SNX18: variants seen among roughly 807,000 people sequenced by gnomAD.
The protein encoded by SNX18 is sorting nexin-18.
Under a neutral mutation model 48.7 loss-of-function variants are expected in SNX18, and 35 were observed. The observed-to-expected ratio is 0.72, with a 90% confidence interval of 0.55 to 0.95. The LOEUF is 0.95. Ranked by LOEUF, SNX18 falls within the 40% of genes least tolerant of loss-of-function variation. The probability of loss-of-function intolerance (pLI) is 0.00; values close to 1 mark genes in which losing one functional copy is unlikely to be tolerated. For missense variants in SNX18, 824 were observed against 871.0 expected (o/e 0.95, Z 0.68); for synonymous variants, 492 against 384.7 (o/e 1.28, Z -3.26).
the SNX18 span, among the ~76,000 whole-genome samples, chr5:54,617,444 C>G: frequency 1.3e-5 from 2 of 152,312 alleles, no homozygotes; most frequent in Non-Finnish European, 2.9e-5. Flanking sequence ...GTACTTCCCC[C>G]TCCCAAGTAA....
the SNX18 span, chr5:54,643,923 T>A: frequency 5.9e-5 from 9 of 152,228 alleles, no homozygotes; most frequent in African/African-American, 2.2e-4. Flanking sequence ...AAAACGTGAG[T>A]GCTCAGGCCG....
the SNX18 span, among the ~76,000 whole-genome samples, chr5:54,646,160 G>T: frequency 6.6e-6 from 1 of 151,938 alleles, no homozygotes; most frequent in Non-Finnish European, 1.5e-5. Context: ...GAAACCCCAA[G>T]AAGACTTTTT....
chr5:54,588,786 G>A, the SNX18 span, among the ~76,000 whole-genome samples: 1 of 152,100 alleles, frequency 6.6e-6, no homozygotes, highest in African/African-American at 2.4e-5. Context: ...GCTTTGCAAA[G>A]GTATGATATC....
At chr5:54,610,185 C>T in the SNX18 span, among the ~76,000 whole-genome samples, 1 of 152,118 alleles carries the variant, frequency 6.6e-6, no homozygotes, top group South Asian at 2.1e-4. Context: ...TTCCTTATAG[C>T]AATGCAAGAA....
At chr5:54,576,572 C>T in the SNX18 span, among the ~76,000 whole-genome samples, 9,087 of 152,290 alleles carry the variant, frequency 0.06, 352 homozygotes, top group Non-Finnish European at 0.086. Context: ...GACAGAATGT[C>T]TTACTCTGAA....
chr5:54,623,441 G>T, the SNX18 span, among the ~76,000 whole-genome samples: 1 of 152,082 alleles, frequency 6.6e-6, no homozygotes, highest in African/African-American at 2.4e-5. Flanking sequence ...TGTGGGGACT[G>T]CCTGAGCACA....
downstream of SNX18, among the ~76,000 whole-genome samples, chr5:54,547,328 TAAAG>T (rs1019355999): frequency 2.0e-5 from 3 of 152,212 alleles, no homozygotes; most frequent in African/African-American, 7.2e-5. Context: ...ATAGATGAGT[TAAAG>T]AGATCAGTGA....
At chr5:54,572,744 G>A in the SNX18 span, among the ~76,000 whole-genome samples, 76 of 42,436 alleles carry the variant, frequency 1.8e-3, 1 homozygote, top group African/African-American at 6.1e-3. Flanking sequence ...GTGTGTGTGT[G>A]TGTGTGTGTG....
At chr5:54,530,127 C>T (rs35261701) in intron 1 of SNX18, among the ~76,000 whole-genome samples, 20,597 of 152,136 alleles carry the variant, frequency 0.14, 1,552 homozygotes, top group Middle Eastern at 0.26. Context: ...TCCCTCCTCA[C>T]GTGGCATTGT....
At chr5:54,549,908 A>G (rs1762626641), downstream of SNX18, among the ~76,000 whole-genome samples, 1 of 152,134 alleles carries the variant, frequency 6.6e-6, no homozygotes, top group Non-Finnish European at 1.5e-5. Flanking sequence ...ACCAAGTTTG[A>G]TTAGGCAACT....
chr5:54,545,409 GA>G lies in SNX18; in HGVS notation c.*1978del, dbSNP rs200330854. 1.3e-4 allele frequency: 10 copies of G among 76,512 alleles called. No homozygotes were observed. Among genetic ancestry groups the G allele is most frequent in the Non-Finnish European group, 1.8e-4 (6 of 33,240 alleles). 4.7% of individuals were successfully genotyped at this position (76,512 alleles called of 1,614,324 possible). On this transcript the variant is annotated 3_prime_UTR_variant, in exon 2 of 2. Coordinates refer to ENST00000381410, the MANE Select transcript of SNX18 (RefSeq NM_001102575.2). ...TGCCTCTTTATTTTGATGGTGGTTG[GA>G]TTTTTTTTTTTTTAATAGTAAAATC...
intron 1 of SNX18, among the ~76,000 whole-genome samples, chr5:54,542,644 T>G (rs1762494002): frequency 6.6e-6 from 1 of 152,238 alleles, no homozygotes. Context: ...CCTCCATGAC[T>G]GTGACATGAT....
the SNX18 span, among the ~76,000 whole-genome samples, chr5:54,567,750 C>G: frequency 4.6e-5 from 7 of 152,176 alleles, no homozygotes; most frequent in Non-Finnish European, 7.3e-5. Flanking sequence ...GATGTAAGTA[C>G]AGTGATGGTG....
At chr5:54,527,149 AT>A (rs1762146886) in intron 1 of SNX18, among the ~76,000 whole-genome samples, 1 of 152,166 alleles carries the variant, frequency 6.6e-6, no homozygotes, top group South Asian at 2.1e-4. Context: ...CCCGAGTCAG[AT>A]GGAAGCAATT....
intron 1 of SNX18, among the ~76,000 whole-genome samples, chr5:54,530,684 A>G (rs1762237736): frequency 6.6e-6 from 1 of 151,172 alleles, no homozygotes; most frequent in Admixed American, 6.6e-5. Flanking sequence ...TTTACCTCAA[A>G]AAAGCTGAGG....
the SNX18 span, among the ~76,000 whole-genome samples, chr5:54,598,284 G>A: frequency 3.9e-5 from 6 of 152,242 alleles, 1 homozygote; most frequent in East Asian, 7.7e-4. Context: ...ATTTACAGCT[G>A]AATTCTACCA....
At chr5:54,644,625 T>TA in the SNX18 span, 102,002 of 152,038 alleles carry the variant, frequency 0.67, 34,321 homozygotes, top group East Asian at 0.72. Flanking sequence ...GAGTGAAAGT[T>TA]GTCAGATGGG....
At chr5:54,525,629 A>G (rs1439221135) in intron 1 of SNX18, among the ~76,000 whole-genome samples, 1 of 152,188 alleles carries the variant, frequency 6.6e-6, no homozygotes, top group East Asian at 1.9e-4. Flanking sequence ...TGAAGAGTGT[A>G]TGTAAACTGT....
Position 54,518,455 on chromosome 5 carries a change from C to A in SNX18, c.503C>A (p.Pro168Gln). 6.4e-7 allele frequency: 1 copy of A among 1,572,404 alleles called. No homozygotes were observed. The highest frequency in any genetic ancestry group is 1.9e-5 in the Admixed American group (1 of 54,014). ...WDDSSTVADE[P>Q]GALGSGAYPD... ...GACAGCTCCACGGTGGCGGACGAGC[C>A]GGGCGCTCTGGGCAGCGGAGCATAC... is the stretch of plus-strand genomic sequence containing the variant. The change falls in exon 1 of 2, where the codon CCG becomes CAG. Residue 168 changes from proline (P) to glutamine (Q), a missense_variant. By Grantham distance (76) the Pro-to-Gln change is moderately conservative. Transcript: ENST00000381410.
Sources: allele counts gnomAD v4.1 joint callset (sites outside exome capture counted in the v4.1 genomes callset), GRCh38; gene constraint gnomAD v4.1.1; transcripts MANE v1.5; gene names NCBI Gene and HGNC (gene_info 2026-07-23, HGNC 2026-07-21).